The following IL1RAPL1 variants were observed in gnomAD, a reference collection of about 807,000 sequenced individuals.
The protein encoded by IL1RAPL1 is interleukin-1 receptor accessory protein-like 1.
IL1RAPL1 carries 3 observed loss-of-function variants against 48.4 expected under a neutral mutation model. The ratio of observed to expected loss-of-function variants is 0.06; its 90% CI spans 0.03 to 0.16. The LOEUF (loss-of-function observed/expected upper bound fraction) is 0.16, where lower values mean the gene tolerates loss of function less well. Ranked by LOEUF, IL1RAPL1 falls within the 10% of genes least tolerant of loss-of-function variation. The pLI is 1.00. For missense variants in IL1RAPL1, 349 were observed against 530.6 expected (o/e 0.66, Z 3.36); for synonymous variants, 185 against 187.7 (o/e 0.99, Z 0.12).
chrX:29,391,089 G>A (rs1170534762), intron 3 of IL1RAPL1, among the ~76,000 whole-genome samples: 1 of 109,705 alleles, frequency 9.1e-6, no homozygotes, highest in Non-Finnish European at 1.9e-5. Flanking sequence ...CTGGAGAATC[G>A]CTTGAACCCG....
At chrX:29,428,372 A>G (rs1265690963) in intron 5 of IL1RAPL1, among the ~76,000 whole-genome samples, 1 of 111,567 alleles carries the variant, frequency 9.0e-6, no homozygotes, top group Non-Finnish European at 1.9e-5. Context: ...AAATATCTTA[A>G]ATATAAAGCA....
intron 6 of IL1RAPL1, among the ~76,000 whole-genome samples, chrX:29,841,074 ATGTT>A (rs944664900): frequency 2.7e-5 from 3 of 111,740 alleles, no homozygotes; most frequent in Admixed American, 9.5e-5. Context: ...TATTAATTTT[ATGTT>A]TGTTTGGTAA....
chrX:29,686,592 C>G (rs994745370), intron 6 of IL1RAPL1, among the ~76,000 whole-genome samples: 2 of 106,710 alleles, frequency 1.9e-5, no homozygotes, highest in Non-Finnish European at 3.8e-5. Context: ...GAGTCTCGCT[C>G]TGTCGCCCAG....
chrX:28,675,339 C>T (rs1934985956), intron 1 of IL1RAPL1, among the ~76,000 whole-genome samples: 1 of 111,526 alleles, frequency 9.0e-6, no homozygotes, highest in Admixed American at 9.6e-5. Context: ...TTCAAAGGTA[C>T]ATTCCAGGGC....
chrX:28,651,601 C>T (rs1307137059), intron 1 of IL1RAPL1, among the ~76,000 whole-genome samples: 4 of 112,216 alleles, frequency 3.6e-5, no homozygotes, highest in Non-Finnish European at 7.5e-5. Flanking sequence ...CAAATTGAAT[C>T]AAGCCAGGAC....
intron 6 of IL1RAPL1, among the ~76,000 whole-genome samples, chrX:29,704,654 G>C (rs2147117405): frequency 9.0e-6 from 1 of 111,274 alleles, no homozygotes; most frequent in East Asian, 2.8e-4. Flanking sequence ...GGGTGACAGA[G>C]TGAGACTCCA....
chrX:29,301,669 T>C (rs890226509), intron 3 of IL1RAPL1, among the ~76,000 whole-genome samples: 1 of 111,898 alleles, frequency 8.9e-6, no homozygotes, highest in African/African-American at 3.2e-5. Flanking sequence ...CCTGGATTTT[T>C]TTCTGCACAC....
intron 2 of IL1RAPL1, among the ~76,000 whole-genome samples, chrX:29,025,709 T>G (rs1379027970): frequency 8.9e-6 from 1 of 111,792 alleles, no homozygotes; most frequent in African/African-American, 3.2e-5. Flanking sequence ...AATACACTCC[T>G]TCTTTAGCCT....
chrX:29,258,687 A>G (rs917142175), intron 2 of IL1RAPL1, among the ~76,000 whole-genome samples: 1 of 110,980 alleles, frequency 9.0e-6, no homozygotes, highest in African/African-American at 3.3e-5. Context: ...TCCCCCACAG[A>G]GGCTCTGTTA....
At chrX:28,855,292 T>G (rs1921776532) in intron 2 of IL1RAPL1, among the ~76,000 whole-genome samples, 1 of 111,181 alleles carries the variant, frequency 9.0e-6, no homozygotes, top group South Asian at 3.8e-4. Flanking sequence ...GTGCCAAGAT[T>G]ACAGGCATGA....
intron 2 of IL1RAPL1, among the ~76,000 whole-genome samples, chrX:28,791,626 G>T (rs1020820447): frequency 1.8e-5 from 2 of 111,723 alleles, no homozygotes; most frequent in Non-Finnish European, 3.8e-5. Context: ...ATGTAAAAAT[G>T]ACAAGGCAGG....
intron 5 of IL1RAPL1, among the ~76,000 whole-genome samples, chrX:29,457,187 C>T (rs1363948947): frequency 1.1e-5 from 1 of 95,044 alleles, no homozygotes; most frequent in East Asian, 3.3e-4. Context: ...TACCTCTATT[C>T]TTTTTTTTTT....
chrX:28,734,683 C>A (rs983269166), intron 1 of IL1RAPL1, among the ~76,000 whole-genome samples: 1 of 110,897 alleles, frequency 9.0e-6, no homozygotes. Flanking sequence ...ACATCATGTA[C>A]CATTTACTTA....
chrX:29,879,729 C>T (rs753287315), intron 6 of IL1RAPL1, among the ~76,000 whole-genome samples: 3 of 109,981 alleles, frequency 2.7e-5, no homozygotes, highest in Non-Finnish European at 5.7e-5. Flanking sequence ...TAAAAACGCT[C>T]ATTTTCTTGT....
intron 6 of IL1RAPL1, among the ~76,000 whole-genome samples, chrX:29,756,658 C>T (rs1342635836): frequency 9.0e-6 from 1 of 111,705 alleles, no homozygotes; most frequent in Non-Finnish European, 1.9e-5. Context: ...GGTGATCCAC[C>T]CATCTCGGCC....
In IL1RAPL1 at chrX:29,217,566, C is replaced by T. The variant is rs1233168908; in HGVS notation, c.83-65372C>T. Among the ~76,000 whole-genome samples the T allele has an allele frequency of 5.4e-5, 6 of 111,270 alleles. No individual in the cohort carries two copies. The East Asian group carries it at 1.4e-3, about 26-fold the overall frequency. On this transcript the variant is annotated intron_variant, in intron 2 of 10. Coordinates refer to ENST00000378993, the MANE Select transcript of IL1RAPL1 (RefSeq NM_014271.4). ...TCTTGGTGAGGCACCTTGTGCATTG[C>T]CAGGTAGCTGCCAGGTATTTATCTT... is the stretch of plus-strand genomic sequence containing the variant.
At chrX:28,799,349 C>A (rs756647040) in intron 2 of IL1RAPL1, among the ~76,000 whole-genome samples, 104 of 112,129 alleles carry the variant, frequency 9.3e-4, no homozygotes, top group Non-Finnish European at 1.7e-3. Context: ...TAGATTTTAT[C>A]TTGAGAACAA....
intron 3 of IL1RAPL1, among the ~76,000 whole-genome samples, chrX:29,310,169 A>G (rs1602163786): frequency 6.5e-5 from 6 of 91,846 alleles, no homozygotes; most frequent in Non-Finnish European, 8.4e-5. Flanking sequence ...GTAAGTCGGG[A>G]GCTTATTAAG....
chrX:29,258,109 G>C (rs1297942261), intron 2 of IL1RAPL1, among the ~76,000 whole-genome samples: 1 of 110,499 alleles, frequency 9.0e-6, no homozygotes, highest in Non-Finnish European at 1.9e-5. Flanking sequence ...AAGGCAAAAA[G>C]TCTCTTTTAG....
Sources: allele counts gnomAD v4.1 joint callset (sites outside exome capture counted in the v4.1 genomes callset), GRCh38; gene constraint gnomAD v4.1.1; transcripts MANE v1.5; gene names NCBI Gene and HGNC (gene_info 2026-07-23, HGNC 2026-07-21).